SFMBT1: variants seen among roughly 807,000 people sequenced by gnomAD.
The protein encoded by SFMBT1 is scm-like with four MBT domains protein 1.
A neutral mutation model predicts 108.7 loss-of-function variants in SFMBT1; 32 were observed. The ratio of observed to expected loss-of-function variants is 0.29; its 90% CI spans 0.22 to 0.40. The LOEUF (loss-of-function observed/expected upper bound fraction) is 0.40. Ranked by LOEUF, SFMBT1 falls within the 10% of genes least tolerant of loss-of-function variation. The pLI is 1.00. For missense variants in SFMBT1, 816 were observed against 1,059.6 expected (o/e 0.77, Z 3.19); for synonymous variants, 348 against 369.5 (o/e 0.94, Z 0.67).
At chr3:52,916,502 T>C (rs1461528449) in intron 13 of SFMBT1, among the ~76,000 whole-genome samples, 1 of 151,708 alleles carries the variant, frequency 6.6e-6, no homozygotes, top group African/African-American at 2.4e-5. Flanking sequence ...ACCCCGTCTC[T>C]ACTAAAAATA....
chr3:52,957,578 C>A (rs1372812912), intron 2 of SFMBT1, among the ~76,000 whole-genome samples: 1 of 152,042 alleles, frequency 6.6e-6, no homozygotes, highest in Non-Finnish European at 1.5e-5. Context: ...CTACAAGCCT[C>A]AAAACAGCAT....
At chr3:53,008,165 T>C (rs1422269046) in intron 1 of SFMBT1, among the ~76,000 whole-genome samples, 2 of 152,084 alleles carry the variant, frequency 1.3e-5, no homozygotes, top group South Asian at 2.1e-4. Flanking sequence ...TGAGGAGTAT[T>C]TGATGGTAAT....
At chr3:52,930,481 T>A (rs1265196360) in intron 7 of SFMBT1, 51 bp from the exon 8 acceptor site, 2 of 1,000,362 alleles carry the variant, frequency 2.0e-6, no homozygotes, top group Admixed American at 3.4e-5. Flanking sequence ...TGTATCAATC[T>A]TACACTCACA....
At chr3:53,043,976 G>C (rs1700133867) in intron 1 of SFMBT1, among the ~76,000 whole-genome samples, 1 of 152,186 alleles carries the variant, frequency 6.6e-6, no homozygotes, top group Admixed American at 6.5e-5. Flanking sequence ...TGAATGGAAA[G>C]GATACAAGGC....
intron 1 of SFMBT1, among the ~76,000 whole-genome samples, chr3:52,978,162 C>T (rs190076881): frequency 8.8e-4 from 134 of 151,956 alleles, no homozygotes; most frequent in Non-Finnish European, 1.6e-3. Flanking sequence ...GTGGTTAAAT[C>T]GGGTAGAGAG....
intron 1 of SFMBT1, among the ~76,000 whole-genome samples, chr3:53,011,834 A>C (rs896891947): frequency 6.6e-6 from 1 of 152,240 alleles, no homozygotes; most frequent in African/African-American, 2.4e-5. Context: ...ACCCAAGTGA[A>C]GAAGTCCTGG....
Position 52,905,435 on chromosome 3 carries a change from C to A in SFMBT1, c.2461-159G>T, listed in dbSNP as rs868708126. ...GTATCACACACTTCCTTTTAAGTGACTCCATAGTCTTCCACACTAATGAAG... is the reference window on the plus strand; with the variant it reads ...GTATCACACACTTCCTTTTAAGTGAATCCATAGTCTTCCACACTAATGAAG... On this transcript the variant is annotated intron_variant, in intron 20 of 20. Coordinates refer to ENST00000394752, the MANE Select transcript of SFMBT1 (RefSeq NM_016329.4). Among the ~76,000 whole-genome samples the A allele has an allele frequency of 1.6e-4, 24 of 152,342 alleles. No homozygotes were observed. The Middle Eastern group carries it at 0.01, about 65-fold the overall frequency.
chr3:52,918,414 A>G (rs1156756793), intron 13 of SFMBT1, 70 bp downstream of exon 13: 2 of 1,227,832 alleles, frequency 1.6e-6, no homozygotes, highest in Non-Finnish European at 2.3e-6. Context: ...ATGAGGAAAT[A>G]TACCCTCTGA....
chr3:52,949,475 C>T (rs1385057195), intron 3 of SFMBT1, among the ~76,000 whole-genome samples: 2 of 150,784 alleles, frequency 1.3e-5, no homozygotes, highest in African/African-American at 2.4e-5. Flanking sequence ...TTTTGACTTG[C>T]GTATTTTTAC....
chr3:52,998,445 G>T (rs766401881), intron 1 of SFMBT1, among the ~76,000 whole-genome samples: 5 of 150,214 alleles, frequency 3.3e-5, no homozygotes, highest in African/African-American at 1.2e-4. Context: ...TTTTGCTGAC[G>T]CATTGGAGAA....
Position 52,928,210 on chromosome 3 carries a change from T to C in SFMBT1, c.1029A>G (p.Leu343=), listed in dbSNP as rs111375049. The part of the protein sequence containing the change: ...FPVQWSLKNG[L]HISPPPGYPS... ...GTGCACCTGGAGGGGGGCTGATGTG[T>C]AGGCCATTCTTCAGACTCCACTGCA... The change falls in exon 9 of 21, where the codon CTA becomes CTG. Residue 343 remains leucine (L), a synonymous_variant. Coordinates refer to ENST00000394752, the MANE Select transcript of SFMBT1 (RefSeq NM_016329.4). 3 of 1,613,238 alleles carry C rather than the reference T, an allele frequency of 1.9e-6. No individual in the cohort carries two copies. Among genetic ancestry groups the C allele is most frequent in the Non-Finnish European group, 1.7e-6 (2 of 1,179,740 alleles).
At chr3:53,045,403 C>T (rs1700197380) in intron 1 of SFMBT1, 1 of 142,808 alleles carries the variant, frequency 7.0e-6, no homozygotes, top group African/African-American at 2.5e-5. Context: ...CGCGGCGGGC[C>T]CGGCGCGCCG....
chr3:52,990,189 A>C (rs1333321396), intron 1 of SFMBT1, among the ~76,000 whole-genome samples: 1 of 152,232 alleles, frequency 6.6e-6, no homozygotes, highest in East Asian at 1.9e-4. Flanking sequence ...AATAACTCAA[A>C]GCATACACCC....
chr3:52,914,838 T>C (rs1017026987), intron 14 of SFMBT1, among the ~76,000 whole-genome samples: 1 of 152,208 alleles, frequency 6.6e-6, no homozygotes, highest in African/African-American at 2.4e-5. Flanking sequence ...AAATGCCTCT[T>C]TTCAGAATTA....
chr3:52,911,969 G>A (rs1425152523), intron 16 of SFMBT1, among the ~76,000 whole-genome samples: 1 of 152,140 alleles, frequency 6.6e-6, no homozygotes, highest in Non-Finnish European at 1.5e-5. Context: ...CAGAGTGCTA[G>A]GATTAGGGGC....
intron 15 of SFMBT1, among the ~76,000 whole-genome samples, chr3:52,913,032 C>T (rs1054822545): frequency 6.6e-6 from 1 of 152,222 alleles, no homozygotes; most frequent in Non-Finnish European, 1.5e-5. Flanking sequence ...GACGCTCTGG[C>T]TTCCCCAGAT....
Position 53,003,759 on chromosome 3 carries a change from C to CAA in SFMBT1, c.-130-34503_-130-34502dup, listed in dbSNP as rs370165165. Among the ~76,000 whole-genome samples, 440 of 81,908 alleles carry CAA rather than the reference C, an allele frequency of 5.4e-3. 26 individuals carry two copies. Among genetic ancestry groups the CAA allele is most frequent in the South Asian group, 0.014 (29 of 2,106 alleles). 53.7% of individuals were successfully genotyped at this position (81,908 alleles called of 152,430 possible). ...GCATTTGTCAGTACCATAGAAAGGTCAAAAAAAAAAAAAAAAGAAAAGAAA... is the reference window on the plus strand; with the variant it reads ...GCATTTGTCAGTACCATAGAAAGGTCAAAAAAAAAAAAAAAAAAGAAAAGAAA... On this transcript the variant is annotated intron_variant, in intron 1 of 20. Transcript: ENST00000394752.
At chr3:52,921,905 T>A in intron 10 of SFMBT1, 74 bp from the exon 11 acceptor site, 1 of 1,455,062 alleles carries the variant, frequency 6.9e-7, no homozygotes, top group Non-Finnish European at 9.6e-7. Context: ...TAGAAAACCT[T>A]TTTCAAGTAG....
intron 3 of SFMBT1, among the ~76,000 whole-genome samples, chr3:52,947,088 A>G (rs533734182): frequency 2.5e-3 from 376 of 149,316 alleles, no homozygotes; most frequent in Non-Finnish European, 4.4e-3. Flanking sequence ...GCTCCACTCT[A>G]ACCAACATTT....
Sources: gnomAD v4.1 joint callset for allele counts (sites outside exome capture counted in the v4.1 genomes callset) on GRCh38, gnomAD v4.1.1 for gene constraint, MANE v1.5 for transcripts, NCBI Gene and HGNC (gene_info 2026-07-23, HGNC 2026-07-21) for gene names.